The following SIMC1 variants were observed in gnomAD, a reference collection of about 807,000 sequenced individuals.
SIMC1 encodes the protein SUMO interacting motifs containing 1, also known as SUMO-interacting motif-containing protein 1.
In SIMC1, 55 loss-of-function variants were observed where a neutral mutation model predicts 82.3. The observed-to-expected ratio is 0.67, with a 90% CI of 0.54 to 0.84. SIMC1 has a LOEUF of 0.84. Ranked by LOEUF, SIMC1 falls within the 40% of genes least tolerant of loss-of-function variation. SIMC1 has a pLI of 0.00. For synonymous variants in SIMC1, 353 were observed against 426.3 expected, an observed-to-expected ratio of 0.83 and a Z score of 2.12; for missense variants, 915 against 1,107.2, an observed-to-expected ratio of 0.83 and a Z score of 2.46.
chr5:176,291,159 C>CTTTTTTTTT (rs1173030195), intron 2 of SIMC1, among the ~76,000 whole-genome samples: 1 of 88,502 alleles, frequency 1.1e-5, no homozygotes, highest in Non-Finnish European at 2.1e-5. Context: ...TGTCACTTTA[C>CTTTTTTTTT]TTTTTTTTTT....
intron 4 of SIMC1, among the ~76,000 whole-genome samples, chr5:176,312,416 A>G (rs1764700585): frequency 1.3e-5 from 2 of 151,830 alleles, no homozygotes. Context: ...GGCACCTATA[A>G]TCCCAGCTAC....
At chr5:176,241,901 C>T (rs546281312) in intron 1 of SIMC1, among the ~76,000 whole-genome samples, 61 of 152,036 alleles carry the variant, frequency 4.0e-4, no homozygotes, top group East Asian at 3.9e-3. Context: ...CCTCTATCTA[C>T]GGTACATCTC....
At chr5:176,310,008 A>T (rs764597561) in intron 4 of SIMC1, among the ~76,000 whole-genome samples, 1 of 152,210 alleles carries the variant, frequency 6.6e-6, no homozygotes, top group Non-Finnish European at 1.5e-5. Context: ...ACGTGAATAG[A>T]TGGTTCACTG....
At chr5:176,279,828 G>A (rs1208548908) in intron 1 of SIMC1, among the ~76,000 whole-genome samples, 2 of 151,986 alleles carry the variant, frequency 1.3e-5, no homozygotes, top group Non-Finnish European at 2.9e-5. Flanking sequence ...ATTGCACTGT[G>A]GTCTGAGAGA....
At chr5:176,305,695 C>T (rs1485598583) in intron 4 of SIMC1, among the ~76,000 whole-genome samples, 21 of 97,620 alleles carry the variant, frequency 2.2e-4, no homozygotes, top group African/African-American at 5.5e-4. Context: ...CCGCCCCGTC[C>T]GGGAGGGAGG....
chr5:176,340,308 A>G (rs1037343816), intron 9 of SIMC1, among the ~76,000 whole-genome samples: 3 of 152,148 alleles, frequency 2.0e-5, no homozygotes, highest in African/African-American at 4.8e-5. Context: ...GAGAGAATCA[A>G]TCCCCCCCAC....
Position 176,290,428 on chromosome 5 carries a change from G to T in SIMC1, c.904G>T (p.Val302Leu). ...LPQSILHPQD[V>L]AYLQDMPRSP... ...TCAAAGCATATTACATCCACAAGAT[G>T]TGGCATACCTGCAAGACATGCCACG... Residue 302 changes from valine (V) to leucine (L), a missense_variant, in exon 2 of 10, where the codon GTG (valine) becomes TTG (leucine). Coordinates refer to ENST00000429602, the MANE Select transcript of SIMC1 (RefSeq NM_001308195.2). The T allele has an allele frequency of 6.2e-7, 1 of 1,614,022 alleles. No homozygotes were observed. Among genetic ancestry groups the T allele is most frequent in the Non-Finnish European group, 8.5e-7 (1 of 1,179,898 alleles).
intron 7 of SIMC1, among the ~76,000 whole-genome samples, chr5:176,328,589 A>G (rs1765493607): frequency 6.6e-6 from 1 of 152,194 alleles, no homozygotes. Context: ...GTAGGATACA[A>G]ATAACTCTCA....
rs190843821 is a variant in SIMC1 at position 176,274,952 on chromosome 5, C to T, written c.130-14702C>T. Among the ~76,000 whole-genome samples, 28 of 151,878 alleles carry T rather than the reference C, an allele frequency of 1.8e-4. 1 individual carries two copies. Among genetic ancestry groups the T allele is most frequent in the East Asian group, 9.7e-4 (5 of 5,180 alleles). The stretch of plus-strand genomic sequence containing the variant: ...TTCTTTTGGCTTAGGATTGACTTGG[C>T]GATGTGGGCTCTTTTTTGGTTCCGT... On this transcript the variant is annotated intron_variant, in intron 1 of 9. Transcript: ENST00000429602.
intron 9 of SIMC1, among the ~76,000 whole-genome samples, chr5:176,341,946 C>CCAAGGCCTTGTTG (rs1766170561): frequency 6.6e-6 from 1 of 152,182 alleles, no homozygotes; most frequent in South Asian, 2.1e-4. Context: ...AGCATAAAAT[C>CCAAGGCCTTGTTG]CAAGGCCTTG....
chr5:176,245,486 T>C (rs1220406186), intron 1 of SIMC1, among the ~76,000 whole-genome samples: 1 of 152,212 alleles, frequency 6.6e-6, no homozygotes, highest in Non-Finnish European at 1.5e-5. Flanking sequence ...TAGTTTCTGG[T>C]AATTTTTACT....
At chr5:176,331,197 C>G (rs1385050764) in intron 7 of SIMC1, among the ~76,000 whole-genome samples, 1 of 151,678 alleles carries the variant, frequency 6.6e-6, no homozygotes, top group Non-Finnish European at 1.5e-5. Context: ...AGTGAAACCC[C>G]GTCTCTACTA....
chr5:176,274,533 G>A (rs1483094921), intron 1 of SIMC1, among the ~76,000 whole-genome samples: 1 of 151,794 alleles, frequency 6.6e-6, no homozygotes, highest in African/African-American at 2.4e-5. Context: ...GTCAATTTTG[G>A]CTTTTGTTGC....
chr5:176,276,493 T>A (rs1237648522), intron 1 of SIMC1, among the ~76,000 whole-genome samples: 2 of 150,672 alleles, frequency 1.3e-5, no homozygotes, highest in African/African-American at 2.4e-5. Flanking sequence ...CATGTGCACA[T>A]TGTGCAGGTT....
chr5:176,271,856 A>G (rs1312764933), intron 1 of SIMC1, among the ~76,000 whole-genome samples: 1 of 145,770 alleles, frequency 6.9e-6, no homozygotes, highest in Non-Finnish European at 1.5e-5. Flanking sequence ...CCCCATAGAT[A>G]TATATTATAT....
At chr5:176,304,840 C>A (rs1191989755) in intron 4 of SIMC1, among the ~76,000 whole-genome samples, 2 of 150,478 alleles carry the variant, frequency 1.3e-5, no homozygotes, top group Non-Finnish European at 3.0e-5. Context: ...GCCCCGCCGC[C>A]CCATCTGGGA....
intron 2 of SIMC1, among the ~76,000 whole-genome samples, chr5:176,291,159 C>T (rs1273550069): frequency 7.9e-5 from 7 of 88,492 alleles, no homozygotes; most frequent in South Asian, 4.1e-4. Flanking sequence ...TGTCACTTTA[C>T]TTTTTTTTTT....
At chr5:176,253,621 T>C (rs1254831123) in intron 1 of SIMC1, among the ~76,000 whole-genome samples, 1 of 152,162 alleles carries the variant, frequency 6.6e-6, no homozygotes, top group African/African-American at 2.4e-5. Context: ...GCGTCAAAAC[T>C]CTTTTAGCCA....
intron 5 of SIMC1, among the ~76,000 whole-genome samples, chr5:176,316,331 G>A (rs1764903653): frequency 6.6e-6 from 1 of 152,018 alleles, no homozygotes; most frequent in African/African-American, 2.4e-5. Flanking sequence ...CTCCTGTGGT[G>A]TGAGCCTCTC....
Sources: allele counts gnomAD v4.1 joint callset (sites outside exome capture counted in the v4.1 genomes callset), GRCh38; gene constraint gnomAD v4.1.1; transcripts MANE v1.5; gene names NCBI Gene and HGNC (gene_info 2026-07-23, HGNC 2026-07-21).